BCO1: variants seen among roughly 807,000 people sequenced by gnomAD.
BCO1 encodes the protein beta-carotene oxygenase 1, also known as beta,beta-carotene 15,15'-dioxygenase.
BCO1 carries 54 observed loss-of-function variants against 56.3 expected under a neutral mutation model. The observed-to-expected ratio is 0.96, with a 90% CI of 0.77 to 1.20. The LOEUF (loss-of-function observed/expected upper bound fraction) is 1.20, where lower values mean the gene tolerates loss of function less well. Among genes scored for constraint, BCO1 ranks in the 50% most tolerant of loss-of-function variants. The probability of loss-of-function intolerance (pLI) is 0.00; values close to 1 mark genes in which losing one functional copy is unlikely to be tolerated. For synonymous variants in BCO1, 318 were observed against 266.1 expected, an observed-to-expected ratio of 1.20 and a Z score of -1.90; for missense variants, 801 against 690.9, an observed-to-expected ratio of 1.16 and a Z score of -1.79.
intron 4 of BCO1, chr16:81,263,119 T>G (rs1906600545): frequency 6.6e-6 from 1 of 151,238 alleles, no homozygotes; most frequent in Non-Finnish European, 1.5e-5. Flanking sequence ...TTTTTTTTTT[T>G]TTTTTTTTTG....
chr16:81,252,806 C>T (rs1386048802), intron 2 of BCO1, among the ~76,000 whole-genome samples: 1 of 152,176 alleles, frequency 6.6e-6, no homozygotes, highest in East Asian at 1.9e-4. Context: ...TTTCAACAGC[C>T]TTTGTTTACG....
intron 2 of BCO1, among the ~76,000 whole-genome samples, chr16:81,252,454 C>T (rs913897036): frequency 1.3e-5 from 2 of 152,090 alleles, no homozygotes; most frequent in East Asian, 3.9e-4. Context: ...CGGGGTTTCA[C>T]CATGTTGGTC....
At chr16:81,249,724 G>C (rs1290508417) in intron 2 of BCO1, among the ~76,000 whole-genome samples, 1 of 152,182 alleles carries the variant, frequency 6.6e-6, no homozygotes, top group East Asian at 1.9e-4. Context: ...TCACAATCTG[G>C]CATTGGCTGG....
chr16:81,277,237 G>A (rs1197680337), intron 7 of BCO1, among the ~76,000 whole-genome samples: 3 of 152,140 alleles, frequency 2.0e-5, no homozygotes, highest in Non-Finnish European at 2.9e-5. Context: ...TAGACAGAAG[G>A]TTGGTGGGCC....
At chr16:81,265,509 T>G (rs1268743821) in intron 5 of BCO1, among the ~76,000 whole-genome samples, 1 of 114,388 alleles carries the variant, frequency 8.7e-6, no homozygotes, top group South Asian at 3.4e-4. Context: ...AATCCATTTA[T>G]CCATCTACCC....
At chr16:81,268,628 G>A (rs1382059496) in intron 6 of BCO1, among the ~76,000 whole-genome samples, 1 of 152,166 alleles carries the variant, frequency 6.6e-6, no homozygotes, top group East Asian at 1.9e-4. Context: ...CTCAAAGTAT[G>A]TATGCACGTA....
intron 7 of BCO1, among the ~76,000 whole-genome samples, chr16:81,273,714 A>G (rs963666083): frequency 2.6e-5 from 4 of 151,974 alleles, no homozygotes; most frequent in African/African-American, 9.7e-5. Context: ...TACCCAGTAG[A>G]AAGCTGGCAA....
intron 9 of BCO1, among the ~76,000 whole-genome samples, chr16:81,286,942 G>A (rs1472560599): frequency 2.0e-5 from 3 of 152,158 alleles, no homozygotes; most frequent in Non-Finnish European, 4.4e-5. Context: ...AGGTGTGGTG[G>A]CACACGCCTG....
At chr16:81,257,479 G>A (rs1025970178) in intron 2 of BCO1, among the ~76,000 whole-genome samples, 5 of 151,736 alleles carry the variant, frequency 3.3e-5, no homozygotes, top group African/African-American at 1.2e-4. Context: ...TGGCCAGGCT[G>A]GTCTCAAACT....
chr16:81,275,982 C>T (rs1907533023), intron 7 of BCO1, among the ~76,000 whole-genome samples: 1 of 152,218 alleles, frequency 6.6e-6, no homozygotes, highest in Non-Finnish European at 1.5e-5. Flanking sequence ...CCTGGTGCTG[C>T]AGGGCGCTGT....
rs531076728 is a variant in BCO1 at position 81,261,811 on chromosome 16, G to C, written c.324-325G>C. On this transcript the variant is annotated intron_variant, in intron 3 of 10. Transcript: ENST00000258168. ...GGCTGGAGTGTAGTGGCGCCATCTC[G>C]GTTCACTGCAAGCTCCGCCTCCCGG... 3.8e-5 allele frequency: 13 copies of C among 340,358 alleles called. No homozygotes were observed. In the Middle Eastern group the frequency reaches 3.2e-3, roughly 83 times the overall value. 21.1% of individuals were successfully genotyped at this position (340,358 alleles called of 1,614,324 possible).
Position 81,262,721 on chromosome 16 carries a change from T to G in BCO1, c.471+438T>G, listed in dbSNP as rs528948462. 2.5e-3 allele frequency: 730 copies of G among 287,302 alleles called. 2 individuals carry two copies. Among genetic ancestry groups the G allele is most frequent in the African/African-American group, 0.015 (683 of 45,558 alleles). The allele number at this position is 287,302 out of a possible 1,614,324, so 17.8% of individuals were successfully genotyped here. ...CATGTGCCTGTAATCCCAGCTACTC[T>G]GAGGCTGAGGCAGGAGAATCGCTTG... On this transcript the variant is annotated intron_variant, in intron 4 of 10. Coordinates refer to ENST00000258168, the MANE Select transcript of BCO1 (RefSeq NM_017429.3).
At chr16:81,272,846 G>T (rs960528790) in intron 7 of BCO1, among the ~76,000 whole-genome samples, 1 of 152,216 alleles carries the variant, frequency 6.6e-6, no homozygotes, top group Admixed American at 6.5e-5. Context: ...CGTCCCTGTA[G>T]AAGCCTCATT....
intron 7 of BCO1, among the ~76,000 whole-genome samples, chr16:81,276,647 T>C (rs2150633851): frequency 6.6e-6 from 1 of 152,362 alleles, no homozygotes. Context: ...ACCAGCACAG[T>C]GCATTGCTGG....
At chr16:81,275,893 C>T (rs1054816841) in intron 7 of BCO1, among the ~76,000 whole-genome samples, 3 of 151,940 alleles carry the variant, frequency 2.0e-5, no homozygotes, top group Non-Finnish European at 2.9e-5. Context: ...GTGGGGGTGC[C>T]TGAGGCAGGG....
At chr16:81,264,964 C>T (rs778969138) in intron 5 of BCO1, among the ~76,000 whole-genome samples, 177 bp downstream of exon 5, 9 of 152,166 alleles carry the variant, frequency 5.9e-5, no homozygotes, top group African/African-American at 1.9e-4. Flanking sequence ...GCTGGGATTC[C>T]TCTTGGAAGA....
rs1908421868 is a variant in BCO1 at position 81,290,841 on chromosome 16, A to C, written c.*264A>C. The C allele has an allele frequency of 5.0e-6, 2 of 401,020 alleles. No individual in the cohort carries two copies. Among genetic ancestry groups the C allele is most frequent in the African/African-American group, 2.0e-5 (1 of 50,222 alleles). The allele number at this position is 401,020 out of a possible 1,614,324, so 24.8% of individuals were successfully genotyped here. A position where few individuals can be genotyped will look rare whatever the true frequency, so the allele number is the denominator to read the frequency against. ...CTTCTAAGAAACCTCCTTTCCTTTAACAAAAAGACCTTGACCATGAATCAG... is the reference window on the plus strand; with the variant it reads ...CTTCTAAGAAACCTCCTTTCCTTTACCAAAAAGACCTTGACCATGAATCAG... On this transcript the variant is annotated 3_prime_UTR_variant, in exon 11 of 11. Coordinates refer to ENST00000258168, the MANE Select transcript of BCO1 (RefSeq NM_017429.3).
At position 81,270,314 on chromosome 16, in the gene BCO1, G is replaced by T; in HGVS notation, c.999G>T (p.Gln333His). ...VIAYEDNSLY[Q>H]LFYLANLNQD... The stretch of plus-strand genomic sequence containing the variant: ...CCTACGAGGACAACAGCCTCTACCA[G>T]CTCTTCTACCTGGCCAACCTGAACC... Residue 333 changes from glutamine (Q) to histidine (H), a missense_variant, in exon 7 of 11, where the codon CAG becomes CAT. Coordinates refer to ENST00000258168, the MANE Select transcript of BCO1 (RefSeq NM_017429.3). 1 of 1,614,110 alleles carries T rather than the reference G, an allele frequency of 6.2e-7. No individual in the cohort carries two copies. The highest frequency in any genetic ancestry group is 8.5e-7 in the Non-Finnish European group (1 of 1,180,032).
At chr16:81,288,123 G>A (rs973144899) in intron 10 of BCO1, among the ~76,000 whole-genome samples, 2 of 152,174 alleles carry the variant, frequency 1.3e-5, no homozygotes, top group African/African-American at 4.8e-5. Flanking sequence ...CCTCCCAGAA[G>A]CTGAGGACAA....
Sources: gnomAD v4.1 joint callset for allele counts (sites outside exome capture counted in the v4.1 genomes callset) on GRCh38, gnomAD v4.1.1 for gene constraint, MANE v1.5 for transcripts, NCBI Gene and HGNC (gene_info 2026-07-23, HGNC 2026-07-21) for gene names.